VWF: variants seen among roughly 807,000 people sequenced by gnomAD.
VWF encodes the protein von Willebrand factor, also known as Factor VIII related antigen.
VWF carries 176 observed loss-of-function variants against 308.6 expected under a neutral mutation model. The ratio of observed to expected loss-of-function variants is 0.57; its 90% CI spans 0.50 to 0.65. The LOEUF (loss-of-function observed/expected upper bound fraction) is 0.65, where lower values mean the gene tolerates loss of function less well. Ranked by LOEUF, VWF falls within the 30% of genes least tolerant of loss-of-function variation. The pLI, the probability that VWF is intolerant of heterozygous loss-of-function variation, is 0.00. For missense variants in VWF, 3,146 were observed against 3,648.2 expected (o/e 0.86, Z 3.55); for synonymous variants, 1,385 against 1,443.4 (o/e 0.96, Z 0.92).
chr12:6,114,773 G>A (rs1018924215), intron 3 of VWF, among the ~76,000 whole-genome samples: 5 of 152,208 alleles, frequency 3.3e-5, no homozygotes, highest in African/African-American at 9.6e-5. Flanking sequence ...CAGGCAGCCA[G>A]GGGACGTGGG....
intron 47 of VWF, among the ~76,000 whole-genome samples, chr12:5,956,560 T>C (rs1943252789): frequency 6.6e-6 from 1 of 151,978 alleles, no homozygotes; most frequent in Non-Finnish European, 1.5e-5. Flanking sequence ...GGAGGATCAG[T>C]TGATCCCAGG....
intron 16 of VWF, among the ~76,000 whole-genome samples, chr12:6,052,218 G>A (rs61908660): frequency 0.015 from 2,358 of 152,278 alleles, 28 homozygotes; most frequent in Non-Finnish European, 0.025. Flanking sequence ...GGAAAGGAGG[G>A]TGACAGGCAG....
At chr12:5,969,498 TGG>T in intron 44 of VWF, 107 bp from the exon 45 acceptor site, 1 of 1,347,166 alleles carries the variant, frequency 7.4e-7, no homozygotes, top group Non-Finnish European at 1.0e-6. Flanking sequence ...ACGTGAAGCC[TGG>T]CTTAACATGT....
At chr12:5,983,988 A>ATAGT (rs1033699881) in intron 40 of VWF, among the ~76,000 whole-genome samples, 4 of 128,542 alleles carry the variant, frequency 3.1e-5, no homozygotes, top group Non-Finnish European at 6.4e-5. Flanking sequence ...AGATAGATAG[A>ATAGT]TAGATAGATA....
intron 6 of VWF, among the ~76,000 whole-genome samples, chr12:6,076,753 A>C (rs943196403): frequency 6.6e-6 from 1 of 152,232 alleles, no homozygotes; most frequent in Non-Finnish European, 1.5e-5. Context: ...GGGAAATTCA[A>C]TCAGCTTGAA....
Position 6,121,657 on chromosome 12 carries a change from A to G in VWF, c.56-319T>C, listed in dbSNP as rs1814250. 0.62 allele frequency among the ~76,000 whole-genome samples: 93,596 copies of G among 152,134 alleles called. 29,077 individuals are homozygous for G. The highest frequency in any genetic ancestry group is 0.67 in the African/African-American group (27,935 of 41,498). ...AAGAAAACAAAGAAGCTGGCCGGGC[A>G]CAGTGGCTCACGCCTATAATCCCAG... On this transcript the variant is annotated intron_variant, in intron 2 of 51. Transcript: ENST00000261405.
intron 45 of VWF, 86 bp from the exon 46 acceptor site, chr12:5,968,253 C>G (rs552376085): frequency 7.1e-6 from 11 of 1,545,126 alleles, no homozygotes; most frequent in African/African-American, 4.1e-5. Context: ...TGGGGCTCCT[C>G]CTCCGTGTCT....
intron 38 of VWF, among the ~76,000 whole-genome samples, chr12:5,990,254 T>C (rs547078731): frequency 6.6e-6 from 1 of 152,208 alleles, no homozygotes; most frequent in Non-Finnish European, 1.5e-5. Flanking sequence ...GTGAGGTCAA[T>C]GGCAGGGCTA....
At chr12:6,026,072 C>T in intron 22 of VWF, 26 bp from the exon 23 acceptor site, 8 of 1,613,918 alleles carry the variant, frequency 5.0e-6, no homozygotes, top group Non-Finnish European at 6.8e-6. Flanking sequence ...GAGGGATGAG[C>T]ACCGTCAAGC....
At chr12:5,990,141 C>T (rs184528247) in intron 38 of VWF, among the ~76,000 whole-genome samples, 41 of 152,308 alleles carry the variant, frequency 2.7e-4, no homozygotes, top group Middle Eastern at 6.8e-3. Context: ...AACAACTAAA[C>T]TAGAGCAGAT....
intron 18 of VWF, among the ~76,000 whole-genome samples, chr12:6,040,193 T>C (rs1182601493): frequency 1.3e-5 from 2 of 152,182 alleles, no homozygotes; most frequent in African/African-American, 4.8e-5. Context: ...AGTTGTGCTT[T>C]GCTGTCACCT....
In VWF at chr12:6,016,719, C is replaced by T. The variant is rs368022503; in HGVS notation, c.5170+35G>A. The T allele has an allele frequency of 7.7e-5, 125 of 1,614,236 alleles. No homozygotes were observed. In the South Asian group the frequency reaches 8.9e-4, roughly 11 times the overall value. On this transcript the variant is annotated intron_variant, in intron 29 of 51. Transcript: ENST00000261405. ...AGTAGAGCCACAAAAAGAGCCTCTTCGTCACCTGCTGCTTCAGGTGCCTCG... is the reference window on the plus strand; with the variant it reads ...AGTAGAGCCACAAAAAGAGCCTCTTTGTCACCTGCTGCTTCAGGTGCCTCG...
chr12:6,052,049 G>A (rs1944520606), intron 16 of VWF, among the ~76,000 whole-genome samples: 1 of 152,182 alleles, frequency 6.6e-6, no homozygotes, highest in African/African-American at 2.4e-5. Context: ...TGTCACAGAA[G>A]GCCTAGGCAA....
At chr12:6,088,326 A>G (rs1944995369) in intron 6 of VWF, among the ~76,000 whole-genome samples, 1 of 152,072 alleles carries the variant, frequency 6.6e-6, no homozygotes, top group Non-Finnish European at 1.5e-5. Flanking sequence ...AAAAATATAA[A>G]GAATTAACTG....
In VWF at chr12:6,113,385, C is replaced by T. The variant is rs1945332049; in HGVS notation, c.221-2417G>A. ...CGATCTCGGCTCACTGCAAGCTCCG[C>T]CTCCCGGGTTCACGCCATTCTCCTG... On this transcript the variant is annotated intron_variant, in intron 3 of 51. Transcript: ENST00000261405. Among the ~76,000 whole-genome samples the T allele has an allele frequency of 2.6e-5, 4 of 151,728 alleles. No individual in the cohort carries two copies. The South Asian group carries it at 6.2e-4, about 24-fold the overall frequency.
At chr12:6,048,622 C>T (rs1285849654) in intron 16 of VWF, among the ~76,000 whole-genome samples, 1 of 152,074 alleles carries the variant, frequency 6.6e-6, no homozygotes, top group Non-Finnish European at 1.5e-5. Context: ...ATCACCATGC[C>T]CAGCTAATTT....
At position 6,057,835 on chromosome 12, in the gene VWF, C is replaced by G; in HGVS notation, c.1729+14G>C. ...ATTCTGCGAGGTCCCTGCCTTGCCC[C>G]CGGGTTCACATACTCATGCGCGGGT... On this transcript the variant is annotated intron_variant, in intron 14 of 51. Transcript: ENST00000261405. The G allele has an allele frequency of 6.3e-7, 1 of 1,597,024 alleles. No individual in the cohort carries two copies. The highest frequency in any genetic ancestry group is 8.5e-7 in the Non-Finnish European group (1 of 1,171,286).
chr12:6,014,541 G>T (rs1282979263), intron 31 of VWF, among the ~76,000 whole-genome samples: 1 of 152,214 alleles, frequency 6.6e-6, no homozygotes, highest in Non-Finnish European at 1.5e-5. Flanking sequence ...TTCGTGGCTT[G>T]CATGGAGGTA....
At chr12:5,964,672 T>C (rs1466221240) in intron 47 of VWF, among the ~76,000 whole-genome samples, 1 of 152,122 alleles carries the variant, frequency 6.6e-6, no homozygotes, top group African/African-American at 2.4e-5. Flanking sequence ...TTTAAACCAT[T>C]TGCTCTCATA....
Sources: allele counts gnomAD v4.1 joint callset (sites outside exome capture counted in the v4.1 genomes callset), GRCh38; gene constraint gnomAD v4.1.1; transcripts MANE v1.5; gene names NCBI Gene and HGNC (gene_info 2026-07-23, HGNC 2026-07-21).